The following CIP2A variants were observed in gnomAD, a reference collection of about 807,000 sequenced individuals.
The protein encoded by CIP2A is protein CIP2A.
Under a neutral mutation model 110.9 loss-of-function variants are expected in CIP2A, and 103 were observed. That is an observed-to-expected ratio of 0.93 (90% CI 0.79 to 1.09). The LOEUF (loss-of-function observed/expected upper bound fraction) is 1.09. Among genes scored for constraint, CIP2A ranks in the 50% least tolerant of loss-of-function variants. CIP2A has a pLI of 0.00. For synonymous variants in CIP2A, 381 were observed against 361.6 expected, an observed-to-expected ratio of 1.05 and a Z score of -0.61; for missense variants, 1,088 against 1,038.4, an observed-to-expected ratio of 1.05 and a Z score of -0.66.
intron 7 of CIP2A, among the ~76,000 whole-genome samples, chr3:108,577,922 G>T (rs1938716597): frequency 6.6e-6 from 1 of 151,906 alleles, no homozygotes; most frequent in South Asian, 2.1e-4. Context: ...AAATAAATAT[G>T]AAAGATCCAC....
At chr3:108,568,815 T>A (rs1215631978) in intron 9 of CIP2A, among the ~76,000 whole-genome samples, 1 of 151,956 alleles carries the variant, frequency 6.6e-6, no homozygotes, top group Non-Finnish European at 1.5e-5. Flanking sequence ...TACACATATT[T>A]GTTTGTGTGT....
At chr3:108,574,717 T>C (rs941977382) in intron 8 of CIP2A, 1 of 152,598 alleles carries the variant, frequency 6.6e-6, no homozygotes, top group African/African-American at 2.4e-5. Context: ...TGTACATTCA[T>C]GTCTCTGACC....
intron 1 of CIP2A, among the ~76,000 whole-genome samples, chr3:108,587,164 A>G (rs2107375738): frequency 6.6e-6 from 1 of 152,312 alleles, no homozygotes. Flanking sequence ...ATATGTTCCA[A>G]TGCTCTAACA....
At chr3:108,566,278 C>A (rs1291912015) in intron 11 of CIP2A, among the ~76,000 whole-genome samples, 7 of 151,502 alleles carry the variant, frequency 4.6e-5, no homozygotes, top group Non-Finnish European at 7.4e-5. Flanking sequence ...ACAAAACAAA[C>A]CTAAACAATA....
At chr3:108,577,052 AAGAG>A (rs2107358807) in intron 7 of CIP2A, among the ~76,000 whole-genome samples, 1 of 152,340 alleles carries the variant, frequency 6.6e-6, no homozygotes, top group African/African-American at 2.4e-5. Flanking sequence ...TTAGGCATAT[AAGAG>A]AGAAAGTATT....
chr3:108,553,116 C>CTTTTTTTTTTTTTTTTTTTTTTTTTTTTT (rs1559687188), intron 19 of CIP2A, among the ~76,000 whole-genome samples: 1 of 131,110 alleles, frequency 7.6e-6, no homozygotes, highest in African/African-American at 2.9e-5. Flanking sequence ...CATCTCTTTC[C>CTTTTTTTTTTTTTTTTTTTTTTTTTTTTT]TTTTGTTTTT....
chr3:108,585,249 T>C (rs775084383), intron 1 of CIP2A, 37 bp from the exon 2 acceptor site: 19 of 1,543,872 alleles, frequency 1.2e-5, no homozygotes, highest in Non-Finnish European at 1.7e-5. Context: ...GGTTAAGCGA[T>C]GGCAATTTTC....
intron 7 of CIP2A, among the ~76,000 whole-genome samples, chr3:108,578,843 T>A (rs993725197): frequency 1.3e-5 from 2 of 152,178 alleles, no homozygotes; most frequent in Admixed American, 6.5e-5. Flanking sequence ...CATTATCCAT[T>A]TTTATACAAA....
Position 108,560,729 on chromosome 3 carries a change from A to G in CIP2A, c.1747T>C (p.Cys583Arg), listed in dbSNP as rs1471902885. Reference sequence around the variant, plus strand: ...CCATCTTTCAAATGAGGAGTTAAACACTTTATTGATGTTGGAAAACTGTGA... The same window carrying G: ...CCATCTTTCAAATGAGGAGTTAAACGCTTTATTGATGTTGGAAAACTGTGA... The part of the protein sequence containing the change: ...SNHSFPTSIK[C>R]LTPHLKDGVP... Residue 583 changes from cysteine (C) to arginine (R), a missense_variant, in exon 14 of 21, where the codon TGT (cysteine) becomes CGT (arginine). Transcript: ENST00000295746. 1.9e-6 allele frequency: 3 copies of G among 1,612,108 alleles called. No homozygotes were observed. The highest frequency in any genetic ancestry group is 2.5e-6 in the Non-Finnish European group (3 of 1,178,668).
At chr3:108,569,676 TGAA>T (rs1480336599) in intron 8 of CIP2A, 69 bp from the exon 9 acceptor site, 6 of 1,166,162 alleles carry the variant, frequency 5.1e-6, no homozygotes, top group Non-Finnish European at 7.5e-6. Flanking sequence ...AAGTGTATGA[TGAA>T]GCTGAAAATG....
At chr3:108,578,984 C>T (rs1039142885) in intron 7 of CIP2A, among the ~76,000 whole-genome samples, 3 of 152,154 alleles carry the variant, frequency 2.0e-5, no homozygotes, top group South Asian at 2.1e-4. Flanking sequence ...ATGCTACTTA[C>T]GTTTTAAAAC....
chr3:108,583,145 A>G, intron 2 of CIP2A, 62 bp from the exon 3 acceptor site: 2 of 850,086 alleles, frequency 2.4e-6, no homozygotes, highest in South Asian at 4.8e-5. Flanking sequence ...CAGATAATTC[A>G]TACAGAATTT....
chr3:108,557,428 A>G lies in CIP2A; in HGVS notation c.2014-14T>C. ...AAGTGTCCGTGCCTCAAAAAAAAAA[A>G]GAAGATAGACTTTACCACTATCATC... is the stretch of plus-strand genomic sequence containing the variant. On this transcript the variant is annotated splice_polypyrimidine_tract_variant and intron_variant, in intron 16 of 20. Coordinates refer to ENST00000295746, the MANE Select transcript of CIP2A (RefSeq NM_020890.3). 6.4e-7 allele frequency: 1 copy of G among 1,557,344 alleles called. No homozygotes were observed. Among genetic ancestry groups the G allele is most frequent in the South Asian group, 1.2e-5 (1 of 84,956 alleles).
At chr3:108,575,411 T>A (rs986955023) in intron 8 of CIP2A, among the ~76,000 whole-genome samples, 1 of 138,882 alleles carries the variant, frequency 7.2e-6, no homozygotes, top group Non-Finnish European at 1.6e-5. Context: ...CATGTGTATG[T>A]ATACATATAC....
chr3:108,578,541 G>C (rs565306176), intron 7 of CIP2A, among the ~76,000 whole-genome samples: 1 of 152,262 alleles, frequency 6.6e-6, no homozygotes, highest in Admixed American at 6.5e-5. Flanking sequence ...TAAACATCAG[G>C]GACTGTGTCT....
rs772740909 is a variant in CIP2A at position 108,568,227 on chromosome 3, C to T, written c.1201G>A (p.Glu401Lys). The stretch of plus-strand genomic sequence containing the variant: ...GTTAAAGCCTCATCTAGATTTTGTT[C>T]TGTGAACTGAAGTTGATCAAGGATT... ...PTILDQLQFT[E>K]QNLDEALTRK... Residue 401 changes from glutamate (E) to lysine (K), a missense_variant, in exon 10 of 21, where the codon GAA becomes AAA. By Grantham distance (56) the Glu-to-Lys change is moderately conservative. Transcript: ENST00000295746. 1 of 1,612,312 alleles carries T rather than the reference C, an allele frequency of 6.2e-7. No individual in the cohort carries two copies. Among genetic ancestry groups the T allele is most frequent in the South Asian group, 1.1e-5 (1 of 91,024 alleles).
At chr3:108,568,070 T>G in intron 10 of CIP2A, 85 bp downstream of exon 10, 1 of 1,035,560 alleles carries the variant, frequency 9.7e-7, no homozygotes, top group Non-Finnish European at 1.4e-6. Flanking sequence ...AAATTACAAA[T>G]AAAGACAAAA....
At chr3:108,551,397 A>G in intron 20 of CIP2A, 78 bp from the exon 21 acceptor site, 1 of 1,029,308 alleles carries the variant, frequency 9.7e-7, no homozygotes, top group Admixed American at 3.0e-5. Context: ...CATATATTTT[A>G]AGATGCTTTT....
intron 4 of CIP2A, among the ~76,000 whole-genome samples, 168 bp downstream of exon 4, chr3:108,581,940 T>C (rs1938894426): frequency 6.6e-6 from 1 of 152,186 alleles, no homozygotes; most frequent in South Asian, 2.1e-4. Context: ...TCACATACTT[T>C]TACAACTTTT....
Sources: allele counts gnomAD v4.1 joint callset (sites outside exome capture counted in the v4.1 genomes callset), GRCh38; gene constraint gnomAD v4.1.1; transcripts MANE v1.5; gene names NCBI Gene and HGNC (gene_info 2026-07-23, HGNC 2026-07-21).